Variants in NPAT observed in about 807,000 individuals in gnomAD.
NPAT encodes the protein nuclear protein, coactivator of histone transcription.
NPAT carries 52 observed loss-of-function variants against 130.7 expected under a neutral mutation model. The observed-to-expected ratio is 0.40, with a 90% CI of 0.32 to 0.50. The LOEUF (loss-of-function observed/expected upper bound fraction) is 0.50, where lower values mean the gene tolerates loss of function less well. Among genes scored for constraint, NPAT ranks in the 20% least tolerant of loss-of-function variants. The pLI, the probability that NPAT is intolerant of heterozygous loss-of-function variation, is 0.68. For missense variants in NPAT, 1,687 were observed against 1,662.6 expected (o/e 1.01, Z -0.26); for synonymous variants, 580 against 584.8 (o/e 0.99, Z 0.12).
At chr11:108,189,627 T>C (rs911703666) in intron 5 of NPAT, among the ~76,000 whole-genome samples, 2 of 151,924 alleles carry the variant, frequency 1.3e-5, no homozygotes, top group Non-Finnish European at 2.9e-5. Context: ...TCCCAGCACT[T>C]TGGGAGGCCG....
intron 1 of NPAT, among the ~76,000 whole-genome samples, chr11:108,210,732 G>A (rs1023149457): frequency 6.6e-6 from 1 of 152,182 alleles, no homozygotes; most frequent in East Asian, 1.9e-4. Context: ...AACCTCTCAC[G>A]AGGAAAAGCC....
intron 7 of NPAT, among the ~76,000 whole-genome samples, chr11:108,187,101 A>C (rs972681111): frequency 1.3e-5 from 2 of 152,212 alleles, no homozygotes; most frequent in African/African-American, 4.8e-5. Flanking sequence ...GAAATAAAGT[A>C]TATATAAAGA....
At chr11:108,179,084 G>A (rs1482039304) in intron 10 of NPAT, among the ~76,000 whole-genome samples, 8 of 152,078 alleles carry the variant, frequency 5.3e-5, no homozygotes, top group African/African-American at 1.7e-4. Context: ...AAATGTAGTC[G>A]AATGGTCTTC....
intron 17 of NPAT, among the ~76,000 whole-genome samples, chr11:108,159,748 T>C (rs1467926331): frequency 3.3e-5 from 5 of 152,102 alleles, no homozygotes; most frequent in Admixed American, 1.3e-4. Context: ...CAGTGGCTCA[T>C]GCTTGTAATC....
chr11:108,216,239 T>C (rs1025859303), intron 1 of NPAT, among the ~76,000 whole-genome samples: 5 of 152,200 alleles, frequency 3.3e-5, no homozygotes, highest in East Asian at 3.8e-4. Flanking sequence ...CTTCAGTCAC[T>C]TGGGGACTTC....
chr11:108,170,355 A>G (rs796742235), intron 13 of NPAT, among the ~76,000 whole-genome samples: 14 of 152,290 alleles, frequency 9.2e-5, no homozygotes, highest in African/African-American at 3.1e-4. Flanking sequence ...TCATATTACA[A>G]TCATATCTGG....
chr11:108,177,720 T>C (rs982493862), intron 10 of NPAT, among the ~76,000 whole-genome samples: 1 of 35,348 alleles, frequency 2.8e-5, no homozygotes, highest in Non-Finnish European at 7.9e-5. Context: ...TAAAGTTCCC[T>C]TTTTTTTTGT....
At chr11:108,164,039 C>T (rs2077878101) in intron 15 of NPAT, among the ~76,000 whole-genome samples, 1 of 152,006 alleles carries the variant, frequency 6.6e-6, no homozygotes, top group African/African-American at 2.4e-5. Context: ...GAATGAAGGA[C>T]AGTTATTTCT....
intron 10 of NPAT, among the ~76,000 whole-genome samples, chr11:108,184,956 A>G (rs1186925244): frequency 6.6e-6 from 1 of 152,228 alleles, no homozygotes; most frequent in Non-Finnish European, 1.5e-5. Context: ...AAATATACCC[A>G]CTAATAAATG....
At chr11:108,178,579 C>T (rs2078031024) in intron 10 of NPAT, among the ~76,000 whole-genome samples, 1 of 152,112 alleles carries the variant, frequency 6.6e-6, no homozygotes, top group Non-Finnish European at 1.5e-5. Context: ...GAATCTGGGC[C>T]CAGTGCAGTG....
intron 13 of NPAT, among the ~76,000 whole-genome samples, chr11:108,170,702 GTC>G (rs1215901784): frequency 2.0e-5 from 3 of 152,128 alleles, no homozygotes; most frequent in Non-Finnish European, 2.9e-5. Context: ...ACCTACTACG[GTC>G]TCTCTGTCTA....
At chr11:108,189,545 A>C (rs1418356181) in intron 5 of NPAT, among the ~76,000 whole-genome samples, 1 of 152,236 alleles carries the variant, frequency 6.6e-6, no homozygotes, top group Non-Finnish European at 1.5e-5. Context: ...TTTGTTCTGC[A>C]GTAATTAATA....
intron 1 of NPAT, chr11:108,208,492 G>A (rs2078350505): frequency 2.2e-6 from 1 of 455,632 alleles, no homozygotes; most frequent in Non-Finnish European, 4.4e-6. Flanking sequence ...GGAGGTGGAG[G>A]TGGGAGGATA....
intron 1 of NPAT, among the ~76,000 whole-genome samples, chr11:108,215,876 C>T (rs1011411713): frequency 3.3e-5 from 5 of 152,190 alleles, no homozygotes; most frequent in African/African-American, 4.8e-5. Flanking sequence ...AAAGCTTTAT[C>T]TCAGATAACA....
At chr11:108,204,296 A>G (rs562177316) in intron 1 of NPAT, among the ~76,000 whole-genome samples, 19 of 152,288 alleles carry the variant, frequency 1.2e-4, no homozygotes, top group African/African-American at 4.3e-4. Context: ...TCGATGCCTA[A>G]GGCCAATCCA....
intron 7 of NPAT, among the ~76,000 whole-genome samples, 168 bp from the exon 8 acceptor site, chr11:108,186,737 T>C (rs1327760719): frequency 1.3e-5 from 2 of 152,154 alleles, no homozygotes; most frequent in African/African-American, 4.8e-5. Context: ...AAAATCCACA[T>C]GTACTCAAGT....
chr11:108,163,206 A>G (rs2134822053), intron 15 of NPAT, among the ~76,000 whole-genome samples: 1 of 152,134 alleles, frequency 6.6e-6, no homozygotes, highest in South Asian at 2.1e-4. Context: ...CAGCCTCCCG[A>G]GTAGCTGGGA....
intron 15 of NPAT, among the ~76,000 whole-genome samples, chr11:108,162,454 A>T (rs2077861173): frequency 6.6e-6 from 1 of 152,160 alleles, no homozygotes; most frequent in Admixed American, 6.5e-5. Context: ...TTTCTGAGAC[A>T]GAGTCATGCT....
intron 1 of NPAT, among the ~76,000 whole-genome samples, chr11:108,217,444 C>T (rs2078444473): frequency 1.3e-5 from 2 of 152,010 alleles, no homozygotes; most frequent in African/African-American, 2.4e-5. Context: ...TGAAGAAATT[C>T]TTGTATATAT....
Sources: allele counts gnomAD v4.1 joint callset (sites outside exome capture counted in the v4.1 genomes callset), GRCh38; gene constraint gnomAD v4.1.1; transcripts MANE v1.5; gene names NCBI Gene and HGNC (gene_info 2026-07-23, HGNC 2026-07-21).